Variants in GDAP2 observed in about 807,000 individuals in gnomAD.
The protein encoded by GDAP2 is ganglioside induced differentiation associated protein 2, also known as ganglioside-induced differentiation-associated protein 2.
GDAP2 carries 51 observed loss-of-function variants against 67.0 expected under a neutral mutation model. The observed-to-expected ratio is 0.76, with a 90% confidence interval of 0.61 to 0.96. The LOEUF (loss-of-function observed/expected upper bound fraction) is 0.96, where lower values mean the gene tolerates loss of function less well. GDAP2 is among the 40% of genes least tolerant of loss of function. The pLI, the probability that GDAP2 is intolerant of heterozygous loss-of-function variation, is 0.00. For synonymous variants in GDAP2, 203 were observed against 207.3 expected, an observed-to-expected ratio of 0.98 and a Z score of 0.18; for missense variants, 547 against 588.3, an observed-to-expected ratio of 0.93 and a Z score of 0.73.
intron 1 of GDAP2, among the ~76,000 whole-genome samples, chr1:117,924,830 C>G (rs956785035): frequency 2.0e-5 from 3 of 152,154 alleles, no homozygotes; most frequent in Non-Finnish European, 4.4e-5. Flanking sequence ...TTTTGTTGAT[C>G]TGTTCATAAG....
In GDAP2 at chr1:117,869,019, G is replaced by A. The variant is rs1235780823; in HGVS notation, c.*1550C>T. 1 of 152,138 alleles carries A rather than the reference G, an allele frequency of 6.6e-6. No homozygotes were observed. Among genetic ancestry groups the A allele is most frequent in the African/African-American group, 2.4e-5 (1 of 41,418 alleles). The allele number at this position is 152,138 out of a possible 1,614,324, so 9.4% of individuals were successfully genotyped here. ...GGCATTTCCCTATCATAAATGAAGA[G>A]AATATGTTTCTTTGATCTCCAATGA... On this transcript the variant is annotated 3_prime_UTR_variant, in exon 14 of 14. Coordinates refer to ENST00000369443, the MANE Select transcript of GDAP2 (RefSeq NM_017686.4).
At chr1:117,910,344 A>G (rs537361871) in intron 5 of GDAP2, among the ~76,000 whole-genome samples, 11 of 152,284 alleles carry the variant, frequency 7.2e-5, no homozygotes, top group South Asian at 2.1e-4. Flanking sequence ...TTAAAAATAT[A>G]TATTTCTTGA....
At chr1:117,873,112 C>T (rs1479135801) in intron 13 of GDAP2, among the ~76,000 whole-genome samples, 1 of 152,098 alleles carries the variant, frequency 6.6e-6, no homozygotes, top group African/African-American at 2.4e-5. Context: ...AATAGAATTT[C>T]CATTATTAAT....
At chr1:117,877,397 C>CT (rs766967744) in intron 13 of GDAP2, 53,925 of 749,430 alleles carry the variant, frequency 0.072, 276 homozygotes, top group Non-Finnish European at 0.079. Flanking sequence ...AAGTGTGTTA[C>CT]TTTTTTTTTT....
intron 8 of GDAP2, among the ~76,000 whole-genome samples, chr1:117,893,513 C>A (rs527515300): frequency 6.6e-6 from 1 of 152,126 alleles, no homozygotes; most frequent in Non-Finnish European, 1.5e-5. Flanking sequence ...GAATTGAAGG[C>A]TTTTGAAAAG....
At chr1:117,904,530 C>T (rs1649592512) in intron 6 of GDAP2, among the ~76,000 whole-genome samples, 1 of 152,138 alleles carries the variant, frequency 6.6e-6, no homozygotes, top group Admixed American at 6.5e-5. Flanking sequence ...ATAAATTATT[C>T]ACAAATGACT....
chr1:117,872,584 G>A (rs758685994), intron 13 of GDAP2, among the ~76,000 whole-genome samples: 1 of 151,386 alleles, frequency 6.6e-6, no homozygotes, highest in Non-Finnish European at 1.5e-5. Flanking sequence ...GCAAACTAAT[G>A]CAGGAACAGA....
intron 8 of GDAP2, among the ~76,000 whole-genome samples, chr1:117,890,132 C>G (rs2101129884): frequency 6.6e-6 from 1 of 152,102 alleles, no homozygotes; most frequent in South Asian, 2.1e-4. Context: ...AACCAGAAGT[C>G]TAAATACTCT....
chr1:117,929,034 T>C lies in GDAP2; in HGVS notation c.-68+414A>G, dbSNP rs368445354. 7.9e-5 allele frequency among the ~76,000 whole-genome samples: 12 copies of C among 152,208 alleles called. No homozygotes were observed. In the South Asian group the frequency reaches 2.1e-3, roughly 26 times the overall value. On this transcript the variant is annotated intron_variant, in intron 1 of 13. Coordinates refer to ENST00000369443, the MANE Select transcript of GDAP2 (RefSeq NM_017686.4). ...CGGGAACCTAGACAACGCACCATCC[T>C]GGGCTCAGCGTCTACCCACCCCTCA...
In GDAP2 at chr1:117,912,678, G is replaced by A. The variant is rs200761394; in HGVS notation, c.322C>T (p.Arg108Ter). 4 of 1,612,266 alleles carry A rather than the reference G, an allele frequency of 2.5e-6. No homozygotes were observed. The highest frequency in any genetic ancestry group is 1.1e-5 in the South Asian group (1 of 90,956). ...KEDLQKLKGC[R>*]TGEAKLTKGF... ...TTTGTCAATTTTGCTTCACCTGTTCGGCACCCTGAAAACAATGGAAACACA... is the reference window on the plus strand; with the variant it reads ...TTTGTCAATTTTGCTTCACCTGTTCAGCACCCTGAAAACAATGGAAACACA... The change falls in exon 4 of 14, where the codon CGA (arginine) becomes TGA (stop). Residue 108 changes from arginine (R) to a stop codon, truncating the protein, a stop_gained. Coordinates refer to ENST00000369443, the MANE Select transcript of GDAP2 (RefSeq NM_017686.4). LOFTEE classifies it high-confidence loss of function.
Position 117,868,774 on chromosome 1 carries a change from C to T in GDAP2, c.*1795G>A, listed in dbSNP as rs542687693. The T allele has an allele frequency of 1.2e-4, 18 of 152,188 alleles. No individual in the cohort carries two copies. The highest frequency in any genetic ancestry group is 2.4e-4 in the Non-Finnish European group (16 of 68,000). The allele number at this position is 152,188 out of a possible 1,614,324, so 9.4% of individuals were successfully genotyped here. On this transcript the variant is annotated 3_prime_UTR_variant, in exon 14 of 14. Coordinates refer to ENST00000369443, the MANE Select transcript of GDAP2 (RefSeq NM_017686.4). The stretch of plus-strand genomic sequence containing the variant: ...AAAAAAAGTACTGTTTGAGAGAAAG[C>T]TTAACATCCGACATCTGACTGGCTG...
chr1:117,926,102 A>G (rs1650435944), intron 1 of GDAP2, among the ~76,000 whole-genome samples: 1 of 152,188 alleles, frequency 6.6e-6, no homozygotes, highest in African/African-American at 2.4e-5. Context: ...TCAGAATACT[A>G]AACTCCTTTT....
chr1:117,870,456 G>T lies in GDAP2; in HGVS notation c.*113C>A. On this transcript the variant is annotated 3_prime_UTR_variant, in exon 14 of 14. Transcript: ENST00000369443. ...GTCAATAAAAAAATACCAGAGAGGTGGGGACAAAAGGCTCTCTGGATCTGT... is the reference window on the plus strand; with the variant it reads ...GTCAATAAAAAAATACCAGAGAGGTTGGGACAAAAGGCTCTCTGGATCTGT... The T allele has an allele frequency of 1.4e-6, 1 of 738,012 alleles. No homozygotes were observed. Among genetic ancestry groups the T allele is most frequent in the Non-Finnish European group, 2.4e-6 (1 of 414,058 alleles). The allele number at this position is 738,012 out of a possible 1,614,324, so 45.7% of individuals were successfully genotyped here.
intron 13 of GDAP2, among the ~76,000 whole-genome samples, chr1:117,877,041 CTT>C (rs1648480282): frequency 6.6e-6 from 1 of 152,166 alleles, no homozygotes; most frequent in African/African-American, 2.4e-5. Context: ...CTAATGTACT[CTT>C]TTCTCTTTCC....
At chr1:117,917,024 ACT>A (rs1650070316) in intron 3 of GDAP2, among the ~76,000 whole-genome samples, 1 of 150,332 alleles carries the variant, frequency 6.7e-6, no homozygotes, top group African/African-American at 2.5e-5. Context: ...ACAGAGCAAG[ACT>A]CTGTCTCAGG....
chr1:117,922,229 G>A (rs1650277609), intron 1 of GDAP2, among the ~76,000 whole-genome samples: 3 of 152,152 alleles, frequency 2.0e-5, no homozygotes, highest in African/African-American at 7.2e-5. Flanking sequence ...GGACAAGATA[G>A]CCTAGAGAGT....
Position 117,872,324 on chromosome 1 carries a change from G to C in GDAP2, c.1447-1708C>G, listed in dbSNP as rs186210946. Among the ~76,000 whole-genome samples the C allele has an allele frequency of 2.6e-4, 40 of 152,174 alleles. No individual in the cohort carries two copies. The East Asian group carries it at 3.7e-3, about 14-fold the overall frequency. ...AGAACCACAAATACCATTTGACCCA[G>C]CAATCCCATTACTGGGTATATACTC... is the stretch of plus-strand genomic sequence containing the variant. On this transcript the variant is annotated intron_variant, in intron 13 of 13. Coordinates refer to ENST00000369443, the MANE Select transcript of GDAP2 (RefSeq NM_017686.4).
rs187173512 is a variant in GDAP2 at position 117,894,842 on chromosome 1, T to C, written c.953+1991A>G. ...GTTGCCAATGATAAAACTTGAGCTT[T>C]AAATATATACATATTTGAAACATTT... On this transcript the variant is annotated intron_variant, in intron 8 of 13. Coordinates refer to ENST00000369443, the MANE Select transcript of GDAP2 (RefSeq NM_017686.4). Among the ~76,000 whole-genome samples, 200 of 152,332 alleles carry C rather than the reference T, an allele frequency of 1.3e-3. 1 individual carries two copies. The highest frequency in any genetic ancestry group is 1.2e-3 in the Non-Finnish European group (81 of 68,022).
At chr1:117,876,629 A>G (rs1408253175) in intron 13 of GDAP2, among the ~76,000 whole-genome samples, 4 of 152,196 alleles carry the variant, frequency 2.6e-5, no homozygotes, top group Admixed American at 2.6e-4. Context: ...ATTTTGATTA[A>G]TTACATTATG....
Sources: allele counts gnomAD v4.1 joint callset (sites outside exome capture counted in the v4.1 genomes callset), GRCh38; gene constraint gnomAD v4.1.1; transcripts MANE v1.5; gene names NCBI Gene and HGNC (gene_info 2026-07-23, HGNC 2026-07-21).